Variants in NUP155 observed in about 807,000 individuals in gnomAD.
NUP155 encodes nuclear pore complex protein Nup155.
A neutral mutation model predicts 180.4 loss-of-function variants in NUP155; 71 were observed. The ratio of observed to expected loss-of-function variants is 0.39; its 90% CI spans 0.33 to 0.48. The LOEUF is 0.48. NUP155 is among the 20% of genes least tolerant of loss of function. The pLI is 0.91. For missense variants in NUP155, 1,553 were observed against 1,648.9 expected (o/e 0.94, Z 1.01); for synonymous variants, 582 against 559.5 (o/e 1.04, Z -0.57).
At chr5:37,313,830 C>T (rs548065078) in intron 22 of NUP155, among the ~76,000 whole-genome samples, 2 of 151,872 alleles carry the variant, frequency 1.3e-5, no homozygotes, top group African/African-American at 2.4e-5. Context: ...GTTGTTGGGC[C>T]CTTTGAAATT....
In NUP155 at chr5:37,305,051, C is replaced by T; in HGVS notation, c.3057+6G>A. The stretch of plus-strand genomic sequence containing the variant: ...TCTCAGAATGAAAATATACTATGTC[C>T]CTTACATGATGTCCTGCTTCTTCAT... On this transcript the variant is annotated splice_donor_region_variant and intron_variant, in intron 26 of 34. Coordinates refer to ENST00000231498, the MANE Select transcript of NUP155 (RefSeq NM_153485.3). The T allele has an allele frequency of 1.2e-6, 2 of 1,613,000 alleles. No homozygotes were observed. Among genetic ancestry groups the T allele is most frequent in the Non-Finnish European group, 1.7e-6 (2 of 1,179,878 alleles).
At chr5:37,345,826 C>A (rs1746044582) in intron 9 of NUP155, among the ~76,000 whole-genome samples, 1 of 150,950 alleles carries the variant, frequency 6.6e-6, no homozygotes, top group Non-Finnish European at 1.5e-5. Flanking sequence ...ATTGCTTGAA[C>A]CCGGCAGGCA....
intron 21 of NUP155, among the ~76,000 whole-genome samples, chr5:37,317,508 A>C (rs531437044): frequency 1.5e-4 from 23 of 152,042 alleles, no homozygotes; most frequent in Non-Finnish European, 2.1e-4. Flanking sequence ...AACAAATAAA[A>C]AGTAAAAATG....
intron 4 of NUP155, among the ~76,000 whole-genome samples, chr5:37,355,855 G>A (rs1485939917): frequency 2.0e-5 from 3 of 151,846 alleles, no homozygotes; most frequent in Admixed American, 2.0e-4. Flanking sequence ...TGGGATTACA[G>A]GCTCAAGCCA....
intron 10 of NUP155, among the ~76,000 whole-genome samples, chr5:37,341,912 T>G (rs1197608713): frequency 6.6e-6 from 1 of 152,160 alleles, no homozygotes; most frequent in African/African-American, 2.4e-5. Flanking sequence ...CACTCGAAAT[T>G]GAGAGGTGAA....
At chr5:37,307,615 A>G (rs1278768192) in intron 24 of NUP155, among the ~76,000 whole-genome samples, 183 bp from the exon 25 acceptor site, 1 of 152,196 alleles carries the variant, frequency 6.6e-6, no homozygotes, top group Non-Finnish European at 1.5e-5. Context: ...CTAAAAGGCA[A>G]CTGTTAAATA....
intron 30 of NUP155, among the ~76,000 whole-genome samples, chr5:37,300,552 C>T (rs778898329): frequency 2.0e-5 from 3 of 152,182 alleles, no homozygotes; most frequent in Non-Finnish European, 4.4e-5. Flanking sequence ...GAAGGAACTG[C>T]TCAGAAAATT....
chr5:37,337,741 A>G (rs1369044866), intron 12 of NUP155, 77 bp downstream of exon 12: 2 of 823,500 alleles, frequency 2.4e-6, no homozygotes, highest in Non-Finnish European at 4.2e-6. Context: ...AATACATCAG[A>G]AGATAAAAGT....
intron 34 of NUP155, 25 bp downstream of exon 34, chr5:37,292,854 G>T: frequency 6.9e-7 from 1 of 1,451,082 alleles, no homozygotes; most frequent in South Asian, 1.1e-5. Context: ...AGCTTTTGCT[G>T]ATCCAATATT....
chr5:37,301,555 T>G lies in NUP155; in HGVS notation c.3448-5A>C. On this transcript the variant is annotated splice_polypyrimidine_tract_variant and splice_region_variant and intron_variant, in intron 29 of 34. Coordinates refer to ENST00000231498, the MANE Select transcript of NUP155 (RefSeq NM_153485.3). ...CTGAAGTTGGATCCTAGCAACCTAG[T>G]TTGGGCAGAAAACAGGATGTCTTAA... 1 of 1,547,840 alleles carries G rather than the reference T, an allele frequency of 6.5e-7. No homozygotes were observed.
intron 1 of NUP155, among the ~76,000 whole-genome samples, chr5:37,367,957 T>C (rs931991668): frequency 1.3e-5 from 2 of 152,166 alleles, no homozygotes; most frequent in Non-Finnish European, 2.9e-5. Context: ...CTAATTTTTG[T>C]ATTTTTAGTA....
rs547351548 is a variant in NUP155, at chr5:37,290,555, CTATTACTT to C, written c.*1337_*1344del. On this transcript the variant is annotated 3_prime_UTR_variant, in exon 35 of 35. Transcript: ENST00000231498. ...TTCCCACTCTTCTTCTCTCTTGTTG[CTATTACTT>C]TGAAGCATTTGGTTTGGTTATTCTA... 37 of 150,932 alleles carry C rather than the reference CTATTACTT, an allele frequency of 2.5e-4. No individual in the cohort carries two copies. In the East Asian group the frequency reaches 6.6e-3, roughly 27 times the overall value. 9.3% of individuals were successfully genotyped at this position (150,932 alleles called of 1,614,324 possible).
In NUP155 at chr5:37,314,227, A is replaced by G. The variant is rs1743719840; in HGVS notation, c.2407T>C (p.Phe803Leu). The G allele has an allele frequency of 6.2e-7, 1 of 1,610,084 alleles. No homozygotes were observed. The highest frequency in any genetic ancestry group is 8.5e-7 in the Non-Finnish European group (1 of 1,176,766). The change falls in exon 22 of 35, where the codon TTC becomes CTC. Residue 803 changes from phenylalanine (F) to leucine (L), a missense_variant. Physicochemically the swap from Phe to Leu is conservative, Grantham distance 22 (BLOSUM62 0). Transcript: ENST00000231498. ...TGAAGTTCTGCCACAATGATAGTGA[A>G]TTGATGTTCACAAAGAAGTTTCCAT... Reference protein sequence around the residue: ...ALWKLLCEHQFTIIVAELQKE... With the variant: ...ALWKLLCEHQLTIIVAELQKE...
intron 13 of NUP155, 45 bp from the exon 14 acceptor site, chr5:37,331,840 T>C (rs758789436): frequency 1.0e-5 from 12 of 1,158,832 alleles, no homozygotes; most frequent in South Asian, 4.9e-5. Context: ...TTTACCAAGA[T>C]TGGCTGATAG....
intron 15 of NUP155, 124 bp downstream of exon 15, chr5:37,329,914 A>T: frequency 1.4e-6 from 1 of 702,988 alleles, no homozygotes; most frequent in Non-Finnish European, 2.6e-6. Context: ...TTGCAAATGA[A>T]TTTTGGTAAT....
In NUP155 at chr5:37,305,126, G is replaced by T. The variant is rs769884675; in HGVS notation, c.2988C>A (p.Pro996=). The change falls in exon 26 of 35, where the codon CCC becomes CCA. Residue 996 remains proline, a synonymous_variant. Coordinates refer to ENST00000231498, the MANE Select transcript of NUP155 (RefSeq NM_153485.3). The part of the protein sequence containing the change: ...SKAAPQSPSV[P]KKPGPPVLSS... ...ACAACACTGGAGGACCAGGTTTTTT[G>T]GGTACACTGGGAGACTGAGGAGCGG... 1.2e-6 allele frequency: 2 copies of T among 1,613,964 alleles called. No individual in the cohort carries two copies. Among genetic ancestry groups the T allele is most frequent in the Non-Finnish European group, 1.7e-6 (2 of 1,179,980 alleles).
chr5:37,302,998 A>C (rs1742947840), intron 28 of NUP155, 90 bp from the exon 29 acceptor site: 10 of 1,378,366 alleles, frequency 7.3e-6, no homozygotes, highest in Non-Finnish European at 1.0e-5. Context: ...TTTCATACCA[A>C]ACACACATAA....
intron 28 of NUP155, 73 bp from the exon 29 acceptor site, chr5:37,302,981 T>C: frequency 2.0e-6 from 3 of 1,494,524 alleles, no homozygotes; most frequent in East Asian, 2.3e-5. Context: ...TCAATTAGTA[T>C]GTACTGTTTC....
At position 37,305,738 on chromosome 5, in the gene NUP155, G is replaced by A. The variant is rs193262863; in HGVS notation, c.2904-528C>T. ...AAACAAAAAATTAACCAGGCGTGGC[G>A]GTGTGCACCTGTAATCCCAGCTACT... On this transcript the variant is annotated intron_variant, in intron 25 of 34. Coordinates refer to ENST00000231498, the MANE Select transcript of NUP155 (RefSeq NM_153485.3). Among the ~76,000 whole-genome samples, 72 of 152,022 alleles carry A rather than the reference G, an allele frequency of 4.7e-4. 1 individual carries two copies. Among genetic ancestry groups the A allele is most frequent in the African/African-American group, 1.6e-3 (65 of 41,456 alleles).
Sources: gnomAD v4.1 joint callset for allele counts (sites outside exome capture counted in the v4.1 genomes callset) on GRCh38, gnomAD v4.1.1 for gene constraint, MANE v1.5 for transcripts, NCBI Gene and HGNC (gene_info 2026-07-23, HGNC 2026-07-21) for gene names.